LINC00632: variants seen among roughly 807,000 people sequenced by gnomAD.
The protein encoded by LINC00632 is ALDOA related specific transcript.
chrX:140,739,364 C>G (rs1349642427), intron 3 of LINC00632, among the ~76,000 whole-genome samples: 1 of 110,048 alleles, frequency 9.1e-6, no homozygotes, highest in Non-Finnish European at 1.9e-5. Context: ...GGATTACAGG[C>G]ATGCACCACC....
At chrX:140,788,951 A>AT (rs1932066964) in exon 5 of LINC00632, among the ~76,000 whole-genome samples, 1 of 104,183 alleles carries the variant, frequency 9.6e-6, no homozygotes, top group Non-Finnish European at 2.0e-5. Context: ...GGGTGGGCTT[A>AT]TTTTTTGTTA....
Position 140,735,536 on chromosome X carries a change from C to G in LINC00632, n.191+1572C>G, listed in dbSNP as rs748819285. ...TTAGATCAATATGTCTTTGCCAATA[C>G]GATAATTTTGATAAAATGGTATTTA... On this transcript the variant is annotated intron_variant and non_coding_transcript_variant, in intron 3 of 4. Transcript: ENST00000648200. Among the ~76,000 whole-genome samples, 9 of 110,392 alleles carry G rather than the reference C, an allele frequency of 8.2e-5. No individual in the cohort carries two copies. The South Asian group carries it at 3.4e-3, about 42-fold the overall frequency.
At chrX:140,742,486 C>T (rs1279897609) in intron 3 of LINC00632, among the ~76,000 whole-genome samples, 1 of 111,187 alleles carries the variant, frequency 9.0e-6, no homozygotes, top group Non-Finnish European at 1.9e-5. Context: ...TACTCAAAAG[C>T]GGACAGAAAC....
intron 2 of LINC00632, among the ~76,000 whole-genome samples, chrX:140,716,542 T>C (rs925583585): frequency 3.6e-5 from 4 of 109,840 alleles, no homozygotes; most frequent in African/African-American, 1.3e-4. Context: ...CCATATAATA[T>C]ATAGATTAGC....
Position 140,716,186 on chromosome X carries a change from A to G in LINC00632, n.104+4530A>G, listed in dbSNP as rs749177420. ...TGTTGAGCTACAACTCTGGCCTACA[A>G]CAACAGAAATACAGCTTGTGTAATA... On this transcript the variant is annotated intron_variant and non_coding_transcript_variant, in intron 2 of 4. Coordinates refer to ENST00000648200, the Ensembl canonical transcript of LINC00632. The G allele has an allele frequency of 4.5e-5, 5 of 112,102 alleles. No individual in the cohort carries two copies. In the South Asian group the frequency reaches 1.5e-3, roughly 34 times the overall value. The allele number at this position is 112,102 out of a possible 1,213,427, so 9.2% of individuals were successfully genotyped here.
chrX:140,711,332 C>T lies in LINC00632; in HGVS notation n.69-289C>T, dbSNP rs184061459. Among the ~76,000 whole-genome samples the T allele has an allele frequency of 6.0e-3, 667 of 111,022 alleles. 4 individuals are homozygous for T. Among genetic ancestry groups the T allele is most frequent in the African/African-American group, 0.02 (621 of 30,625 alleles). ...TCAGTCTCTTTTCTCTGAATATATG[C>T]AAATAAATGCATAGAAATATATATT... On this transcript the variant is annotated intron_variant and non_coding_transcript_variant, in intron 1 of 4. Transcript: ENST00000648200.
chrX:140,777,399 T>C (rs375746088), exon 5 of LINC00632, among the ~76,000 whole-genome samples: 1 of 112,666 alleles, frequency 8.9e-6, no homozygotes, highest in East Asian at 2.8e-4. Flanking sequence ...AAACCCATTG[T>C]AGGATGCTGT....
intron 3 of LINC00632, among the ~76,000 whole-genome samples, chrX:140,771,838 C>A (rs750189540): frequency 1.0e-5 from 1 of 97,530 alleles, no homozygotes; most frequent in South Asian, 4.7e-4. Context: ...TGCCACCATG[C>A]CCAGCTAATT....
chrX:140,728,041 G>C (rs1452299196), intron 2 of LINC00632, among the ~76,000 whole-genome samples: 1 of 110,883 alleles, frequency 9.0e-6, no homozygotes, highest in African/African-American at 3.3e-5. Context: ...GGGAGTTCGA[G>C]ATCAGCCTGA....
rs924220395 is a variant in LINC00632 at position 140,767,711 on chromosome X, C to CTAGA, written n.192-4354_192-4351dup. On this transcript the variant is annotated intron_variant and non_coding_transcript_variant, in intron 3 of 4. Transcript: ENST00000648200. Reference sequence around the variant, plus strand: ...GAGACAGAACCAATGGGATAGCTAGCTAGATAGATAGATAGAGGAGAGGGG... The same window carrying CTAGA: ...GAGACAGAACCAATGGGATAGCTAGCTAGATAGATAGATAGATAGAGGAGAGGGG... Among the ~76,000 whole-genome samples the CTAGA allele has an allele frequency of 2.7e-5, 3 of 111,590 alleles. No individual in the cohort carries two copies. In the East Asian group the frequency reaches 8.5e-4, roughly 32 times the overall value.
chrX:140,740,597 T>C (rs1160457073), intron 3 of LINC00632, among the ~76,000 whole-genome samples: 2 of 110,799 alleles, frequency 1.8e-5, no homozygotes, highest in Admixed American at 1.9e-4. Context: ...GTTTTCTCTC[T>C]TGTCCCTACA....
chrX:140,728,549 C>T (rs773245259), intron 2 of LINC00632, among the ~76,000 whole-genome samples: 3 of 110,675 alleles, frequency 2.7e-5, no homozygotes. Context: ...CCAGGCATGC[C>T]TTTTACAATG....
intron 2 of LINC00632, among the ~76,000 whole-genome samples, chrX:140,719,865 G>A (rs896548249): frequency 1.8e-5 from 2 of 108,504 alleles, no homozygotes; most frequent in African/African-American, 3.4e-5. Flanking sequence ...CGAGGTAGGC[G>A]GATCACAAGG....
intron 3 of LINC00632, among the ~76,000 whole-genome samples, chrX:140,757,935 C>T (rs1159350994): frequency 9.0e-6 from 1 of 111,690 alleles, no homozygotes; most frequent in African/African-American, 3.3e-5. Flanking sequence ...CTGTACTTGA[C>T]ACTGAGTTGG....
intron 3 of LINC00632, among the ~76,000 whole-genome samples, chrX:140,758,964 CTTTTT>C (rs146312064): frequency 1.3e-5 from 1 of 78,973 alleles, no homozygotes; most frequent in Non-Finnish European, 2.4e-5. Flanking sequence ...CTTTTCTTTT[CTTTTT>C]TTTTTTTTTT....
At chrX:140,714,880 A>T (rs1172370909) in intron 2 of LINC00632, 2 of 110,280 alleles carry the variant, frequency 1.8e-5, no homozygotes, top group Admixed American at 1.9e-4. Flanking sequence ...AACAAAAAAA[A>T]ACAATTACTT....
At chrX:140,790,451 T>G (rs1167234338) in exon 5 of LINC00632, among the ~76,000 whole-genome samples, 2 of 111,641 alleles carry the variant, frequency 1.8e-5, no homozygotes, top group Non-Finnish European at 3.8e-5. Flanking sequence ...CTCACTGCTT[T>G]AATTACTGTA....
intron 2 of LINC00632, among the ~76,000 whole-genome samples, chrX:140,715,256 G>T (rs772819912): frequency 7.9e-4 from 88 of 111,514 alleles, no homozygotes; most frequent in Non-Finnish European, 1.6e-3. Context: ...AGCCCACAGT[G>T]CTCAGAAATG....
intron 3 of LINC00632, among the ~76,000 whole-genome samples, chrX:140,771,231 A>G (rs1042625468): frequency 4.6e-5 from 5 of 108,982 alleles, no homozygotes; most frequent in Admixed American, 1.0e-4. Context: ...AGGCAGAAAC[A>G]GTTGACTACA....
Sources: allele counts gnomAD v4.1 joint callset (sites outside exome capture counted in the v4.1 genomes callset), GRCh38; gene constraint gnomAD v4.1.1; transcripts MANE v1.5; gene names NCBI Gene and HGNC (gene_info 2026-07-23, HGNC 2026-07-21).